The following MACF1 variants were observed in gnomAD, a reference collection of about 807,000 sequenced individuals.
MACF1 encodes the protein microtubule actin crosslinking factor 1.
In MACF1, 193 loss-of-function variants were observed where a neutral mutation model predicts 854.8. That is an observed-to-expected ratio of 0.23 (90% CI 0.20 to 0.25). The LOEUF is 0.25. Among genes scored for constraint, MACF1 ranks in the 10% least tolerant of loss-of-function variants. The pLI is 1.00. For missense variants in MACF1, 7,722 were observed against 8,929.1 expected, an observed-to-expected ratio of 0.86 and a Z score of 5.45; for synonymous variants, 3,185 against 3,226.7, an observed-to-expected ratio of 0.99 and a Z score of 0.44.
chr1:39,143,339 C>T (rs1253822335), intron 2 of MACF1, among the ~76,000 whole-genome samples: 2 of 152,158 alleles, frequency 1.3e-5, no homozygotes, highest in Non-Finnish European at 2.9e-5. Flanking sequence ...CAAAGATACA[C>T]TTTCTGGTGG....
Position 39,440,111 on chromosome 1 carries a change from C to CTTTTCTTTTTTTT in MACF1, c.18447+615_18447+616insCTTTTTTTTTTTT, listed in dbSNP as rs1553414036. Among the ~76,000 whole-genome samples the CTTTTCTTTTTTTT allele has an allele frequency of 7.1e-4, 46 of 64,512 alleles. 2 individuals are homozygous for CTTTTCTTTTTTTT. The highest frequency in any genetic ancestry group is 2.5e-3 in the African/African-American group (37 of 14,880). 42.3% of individuals were successfully genotyped at this position (64,512 alleles called of 152,430 possible). ...CTTTTCTTTTCTTTTCTTTTCTTTT[C>CTTTTCTTTTTTTT]TTTTTTTTTTTTTTTTTTGGAGACA... On this transcript the variant is annotated intron_variant, in intron 72 of 100. Coordinates refer to ENST00000564288, the MANE Select transcript of MACF1 (RefSeq NM_001394062.1).
intron 6 of MACF1, among the ~76,000 whole-genome samples, chr1:39,275,017 CAT>C (rs1645405748): frequency 6.6e-6 from 1 of 151,024 alleles, no homozygotes; most frequent in Non-Finnish European, 1.5e-5. Flanking sequence ...CCAAATGCCT[CAT>C]ATACATAAGA....
chr1:39,424,005 G>A lies in MACF1; in HGVS notation c.16150-23G>A, dbSNP rs663892. ...GATTTCAAAATGATCCTGTGTTACA[G>A]CTTTTCATTCTCTTTATAATAGTTG... On this transcript the variant is annotated intron_variant, in intron 60 of 100. Coordinates refer to ENST00000564288, the MANE Select transcript of MACF1 (RefSeq NM_001394062.1). The A allele has an allele frequency of 0.31, 488,949 of 1,569,180 alleles. 82,569 individuals are homozygous for A. The highest frequency in any genetic ancestry group is 0.67 in the African/African-American group (48,559 of 72,444).
Position 39,480,991 on chromosome 1 carries a change from G to C in MACF1, c.22242G>C (p.Arg7414Ser). 1 of 1,550,620 alleles carries C rather than the reference G, an allele frequency of 6.4e-7. No homozygotes were observed. The highest frequency in any genetic ancestry group is 1.2e-5 in the South Asian group (1 of 84,040). The change falls in exon 99 of 101, where the codon AGG (arginine) becomes AGC (serine). Residue 7414 changes from arginine (R) to serine (S), a missense_variant. Physicochemically the swap from Arg to Ser is moderately radical, Grantham distance 110. Around this residue, in one of 15 missense-constraint regions of MACF1, gnomAD observed 185 missense variants for 225.7 expected, o/e 0.82. Transcript: ENST00000564288. The part of the protein sequence containing the change: ...LVNSKAGTPI[R>S]DSHSPDLQLP... ...ACAGTAAAGCTGGCACCCCTATCAG[G>C]GACAGCCATTCTCCTGACCTCCAGC...
chr1:39,178,494 C>G (rs1205470138), intron 2 of MACF1, among the ~76,000 whole-genome samples: 3 of 152,176 alleles, frequency 2.0e-5, no homozygotes, highest in Non-Finnish European at 2.9e-5. Flanking sequence ...CTTTTTCCCT[C>G]TCTGTAGTTC....
At chr1:39,452,556 A>T (rs560714337) in intron 86 of MACF1, 128 bp from the exon 87 acceptor site, 1 of 1,249,340 alleles carries the variant, frequency 8.0e-7, no homozygotes, top group Non-Finnish European at 1.1e-6. Context: ...ATGAAAGATA[A>T]CCTTTGTGGA....
chr1:39,393,194 A>ATATATATAT (rs1354096240), intron 58 of MACF1, among the ~76,000 whole-genome samples: 98 of 79,168 alleles, frequency 1.2e-3, no homozygotes, highest in Non-Finnish European at 1.7e-3. Flanking sequence ...AAAAAAAAAA[A>ATATATATAT]AAATATATAT....
At chr1:39,190,710 A>G (rs992216793) in intron 2 of MACF1, among the ~76,000 whole-genome samples, 2 of 151,606 alleles carry the variant, frequency 1.3e-5, no homozygotes, top group Admixed American at 1.3e-4. Flanking sequence ...TTTGTCAAAA[A>G]CTGAGCTGGA....
At chr1:39,278,935 T>G (rs2252410) in intron 6 of MACF1, among the ~76,000 whole-genome samples, 132,782 of 152,182 alleles carry the variant, frequency 0.87, 59,132 homozygotes, top group Non-Finnish European at 0.96. Context: ...GAGATTGGTC[T>G]ATGTGAATTT....
At position 39,105,458 on chromosome 1, in the gene MACF1, G is replaced by A. The variant is rs1322383453; in HGVS notation, c.220+21020G>A. ...CCGGGTGCGAGCGGACTGAGGAGCG[G>A]AGCGCGACTGCCGGGCCGGGCGAGG... On this transcript the variant is annotated intron_variant, in intron 2 of 93. Transcript: ENST00000361689. The surrounding 1 kb of genome is among the most constrained non-coding windows in gnomAD (Gnocchi z 5.9). 2 of 1,007,262 alleles carry A rather than the reference G, an allele frequency of 2.0e-6. No individual in the cohort carries two copies. The highest frequency in any genetic ancestry group is 2.4e-6 in the Non-Finnish European group (2 of 846,042). 62.4% of individuals were successfully genotyped at this position (1,007,262 alleles called of 1,614,324 possible). A position where few individuals can be genotyped will look rare whatever the true frequency, so the allele number is the denominator to read the frequency against.
Position 39,411,344 on chromosome 1 carries a change from T to C in MACF1, c.15817-11030T>C, listed in dbSNP as rs1168883147. 3.1e-6 allele frequency: 5 copies of C among 1,613,892 alleles called. No individual in the cohort carries two copies. The South Asian group carries it at 4.4e-5, about 14-fold the overall frequency. ...GATGAGAAGAACAGCCTGGCAGATATTTTTGAAGAAAGAGAACAAGCAAAC... is the reference window on the plus strand; with the variant it reads ...GATGAGAAGAACAGCCTGGCAGATACTTTTGAAGAAAGAGAACAAGCAAAC... On this transcript the variant is annotated intron_variant, in intron 58 of 100. Coordinates refer to ENST00000564288, the MANE Select transcript of MACF1 (RefSeq NM_001394062.1).
chr1:39,437,446 G>T (rs1003496389), intron 70 of MACF1, among the ~76,000 whole-genome samples: 21 of 151,952 alleles, frequency 1.4e-4, no homozygotes, highest in Non-Finnish European at 2.4e-4. Context: ...TAGTAGCTGG[G>T]ACTACGGGCG....
At chr1:39,221,953 T>C (rs1316101661) in intron 1 of MACF1, among the ~76,000 whole-genome samples, 1 of 152,192 alleles carries the variant, frequency 6.6e-6, no homozygotes, top group East Asian at 1.9e-4. Flanking sequence ...ACGTACTCCT[T>C]ACTCTAGCTT....
rs775059207 is a variant in MACF1, at chr1:39,485,523, A to T, written c.22412-15A>T. 7.4e-5 allele frequency: 118 copies of T among 1,601,152 alleles called. No homozygotes were observed. The highest frequency in any genetic ancestry group is 9.8e-5 in the Non-Finnish European group (115 of 1,173,958). On this transcript the variant is annotated splice_polypyrimidine_tract_variant and intron_variant, in intron 100 of 100. Coordinates refer to ENST00000564288, the MANE Select transcript of MACF1 (RefSeq NM_001394062.1). ...CCATCTCTATTAAGTCTGCTGTTTTATTCTTGAATTCCAGACCCTAAAAAG... is the reference window on the plus strand; with the variant it reads ...CCATCTCTATTAAGTCTGCTGTTTTTTTCTTGAATTCCAGACCCTAAAAAG...
Position 39,428,043 on chromosome 1 carries a change from C to T in MACF1, c.16559C>T (p.Ser5520Phe). 1.2e-6 allele frequency: 2 copies of T among 1,614,216 alleles called. No homozygotes were observed. The highest frequency in any genetic ancestry group is 1.7e-6 in the Non-Finnish European group (2 of 1,180,026). The part of the protein sequence containing the change: ...KIGQSLSSLT[S>F]PAEQGVLSEK... Reference sequence around the variant, plus strand: ...GGGCAGTCCCTCTCCTCCCTGACATCTCCTGCAGAACAGGGTGTGCTGTCA... The same window carrying T: ...GGGCAGTCCCTCTCCTCCCTGACATTTCCTGCAGAACAGGGTGTGCTGTCA... The change falls in exon 63 of 101, where the codon TCT becomes TTT. Residue 5520 changes from serine to phenylalanine, a missense_variant. This residue lies in a region of MACF1 where 2,807 missense variants were observed against 3,235.8 expected (regional missense o/e 0.87). Coordinates refer to ENST00000564288, the MANE Select transcript of MACF1 (RefSeq NM_001394062.1).
chr1:39,382,178 T>G, intron 56 of MACF1, 26 bp downstream of exon 56: 1 of 1,600,210 alleles, frequency 6.2e-7, no homozygotes, highest in African/African-American at 1.3e-5. Flanking sequence ...ACAAAGAAAT[T>G]GGAATCACAT....
chr1:39,235,905 T>TTG (rs912885279), intron 2 of MACF1, among the ~76,000 whole-genome samples: 6 of 152,090 alleles, frequency 3.9e-5, no homozygotes, highest in Non-Finnish European at 7.4e-5. Context: ...TGGCTAATTT[T>TTG]TGTGTGTGTG....
intron 23 of MACF1, chr1:39,304,668 A>G (rs1309405962): frequency 4.5e-6 from 2 of 445,896 alleles, no homozygotes; most frequent in East Asian, 9.6e-5. Flanking sequence ...TGTTCACGCC[A>G]TTCTCCTGCC....
chr1:39,364,402 A>G (rs755576740), intron 49 of MACF1, among the ~76,000 whole-genome samples: 9 of 149,808 alleles, frequency 6.0e-5, no homozygotes, highest in Non-Finnish European at 1.0e-4. Flanking sequence ...CTTATATATT[A>G]GAGAGATTAA....
Sources: allele counts gnomAD v4.1 joint callset (sites outside exome capture counted in the v4.1 genomes callset), GRCh38; gene constraint gnomAD v4.1.1; regional missense constraint gnomAD v4.1.1; non-coding constraint Gnocchi (gnomAD v3.1); transcripts MANE v1.5; gene names NCBI Gene and HGNC (gene_info 2026-07-23, HGNC 2026-07-21).